Variants in SYT16 observed in about 807,000 individuals in gnomAD.
SYT16 encodes the protein synaptotagmin 16.
SYT16 carries 42 observed loss-of-function variants against 61.4 expected under a neutral mutation model. The observed-to-expected ratio is 0.68, with a 90% CI of 0.53 to 0.89. The LOEUF is 0.89. Among genes scored for constraint, SYT16 ranks in the 40% least tolerant of loss-of-function variants. The pLI, the probability that SYT16 is intolerant of heterozygous loss-of-function variation, is 0.00. For synonymous variants in SYT16, 314 were observed against 302.3 expected (o/e 1.04, Z -0.40); for missense variants, 804 against 807.3 (o/e 1.00, Z 0.05).
chr14:61,814,220 G>T (rs970543794), intron 1 of SYT16, among the ~76,000 whole-genome samples: 3 of 152,074 alleles, frequency 2.0e-5, no homozygotes, highest in African/African-American at 7.2e-5. Context: ...GCTAATTTGG[G>T]CCAAATTTCC....
At chr14:62,092,168 A>G (rs970171668) in intron 7 of SYT16, among the ~76,000 whole-genome samples, 1 of 140,240 alleles carries the variant, frequency 7.1e-6, no homozygotes, top group African/African-American at 2.7e-5. Flanking sequence ...TAGGATGGCT[A>G]CTATAACACA....
chr14:62,043,099 CT>C (rs58063130), intron 3 of SYT16, among the ~76,000 whole-genome samples: 41,041 of 136,946 alleles, frequency 0.3, 5,770 homozygotes, highest in Middle Eastern at 0.35. Flanking sequence ...TGTGGTTTCT[CT>C]TTTTTTTTTT....
At chr14:61,833,332 G>A (rs182446192) in intron 1 of SYT16, among the ~76,000 whole-genome samples, 1 of 130,856 alleles carries the variant, frequency 7.6e-6, no homozygotes, top group East Asian at 2.3e-4. Flanking sequence ...TGTTCTTGTT[G>A]CCCAGACTGG....
At chr14:62,090,209 T>TA (rs2057024389) in intron 7 of SYT16, among the ~76,000 whole-genome samples, 1 of 152,248 alleles carries the variant, frequency 6.6e-6, no homozygotes, top group Admixed American at 6.5e-5. Flanking sequence ...TATGTACAGA[T>TA]ATAATGGTCA....
intron 1 of SYT16, among the ~76,000 whole-genome samples, chr14:61,938,059 A>ACACAC (rs1555359670): frequency 6.6e-6 from 1 of 151,798 alleles, no homozygotes; most frequent in Non-Finnish European, 1.5e-5. Context: ...ACACACACAC[A>ACACAC]GAGTGTTTCA....
chr14:62,005,756 C>T (rs545146806), intron 3 of SYT16, among the ~76,000 whole-genome samples: 7 of 152,274 alleles, frequency 4.6e-5, no homozygotes, highest in South Asian at 2.1e-4. Flanking sequence ...ACACCTACCA[C>T]GTACAAAACA....
chr14:61,992,492 C>A (rs956233873), intron 2 of SYT16, among the ~76,000 whole-genome samples: 14 of 152,110 alleles, frequency 9.2e-5, no homozygotes, highest in Non-Finnish European at 1.9e-4. Context: ...GATAAATAGC[C>A]ACCGATCTGA....
At chr14:62,032,911 T>A (rs2054363282) in intron 3 of SYT16, among the ~76,000 whole-genome samples, 1 of 151,972 alleles carries the variant, frequency 6.6e-6, no homozygotes, top group Non-Finnish European at 1.5e-5. Context: ...TATAAACCCA[T>A]CTGAATTGGT....
At chr14:62,036,503 G>C (rs570017433) in intron 3 of SYT16, among the ~76,000 whole-genome samples, 6 of 152,266 alleles carry the variant, frequency 3.9e-5, no homozygotes, top group Admixed American at 2.6e-4. Flanking sequence ...TATGGACTCA[G>C]TGTGCTAGTC....
intron 4 of SYT16, among the ~76,000 whole-genome samples, chr14:62,074,146 G>C (rs1190940566): frequency 6.6e-6 from 1 of 152,200 alleles, no homozygotes; most frequent in African/African-American, 2.4e-5. Flanking sequence ...AGTGGGGGCA[G>C]CTATTTCTTA....
chr14:61,974,621 C>T (rs1415554754), intron 2 of SYT16, among the ~76,000 whole-genome samples: 1 of 152,134 alleles, frequency 6.6e-6, no homozygotes, highest in African/African-American at 2.4e-5. Context: ...CCAGATGCTC[C>T]CTGCTGTAAG....
intron 1 of SYT16, among the ~76,000 whole-genome samples, chr14:61,884,365 C>G (rs1192192507): frequency 1.3e-5 from 2 of 152,140 alleles, no homozygotes; most frequent in Non-Finnish European, 2.9e-5. Flanking sequence ...TAGAAGTGAT[C>G]AAAAGTAAGT....
chr14:61,816,994 G>C (rs2045455677), intron 1 of SYT16, among the ~76,000 whole-genome samples: 1 of 124,234 alleles, frequency 8.0e-6, no homozygotes, highest in Non-Finnish European at 1.6e-5. Flanking sequence ...CTGGGCGACA[G>C]AGTGAGGCTC....
At chr14:61,883,986 G>T (rs1042786871) in intron 1 of SYT16, among the ~76,000 whole-genome samples, 1 of 145,712 alleles carries the variant, frequency 6.9e-6, no homozygotes, top group African/African-American at 2.6e-5. Flanking sequence ...CCCATGATCC[G>T]ATTACCTCCA....
rs1010673621 is a variant in SYT16, at chr14:62,102,602, A to G, written c.*1895A>G. 2.0e-5 allele frequency: 3 copies of G among 152,186 alleles called. No individual in the cohort carries two copies. Among genetic ancestry groups the G allele is most frequent in the Admixed American group, 6.5e-5 (1 of 15,270 alleles). 9.4% of individuals were successfully genotyped at this position (152,186 alleles called of 1,614,324 possible). A position where few individuals can be genotyped will look rare whatever the true frequency, so the allele number is the denominator to read the frequency against. ...AGTGCGATTGATTAAGTAGCAGCAC[A>G]AAGAAGTGGCTTTTCACATCTCTTA... On this transcript the variant is annotated 3_prime_UTR_variant, in exon 8 of 8. Transcript: ENST00000683842.
At position 62,023,995 on chromosome 14, in the gene SYT16, A is replaced by G. The variant is rs189106792; in HGVS notation, c.523+27453A>G. 1.3e-4 allele frequency among the ~76,000 whole-genome samples: 20 copies of G among 152,294 alleles called. 1 individual carries two copies. Among genetic ancestry groups the G allele is most frequent in the Admixed American group, 1.2e-3 (19 of 15,294 alleles). ...TTTATCTAATATAAAAAGTAGAGGA[A>G]GAAATGGTGTCTTTAAAATATGCCT... On this transcript the variant is annotated intron_variant, in intron 3 of 7. Transcript: ENST00000683842.
At chr14:62,033,529 C>A (rs2054386453) in intron 3 of SYT16, among the ~76,000 whole-genome samples, 2 of 152,040 alleles carry the variant, frequency 1.3e-5, no homozygotes, top group Admixed American at 1.3e-4. Flanking sequence ...AGTTGTTTTA[C>A]AAGTTCATGA....
chr14:62,018,631 C>A (rs2053796919), intron 3 of SYT16, among the ~76,000 whole-genome samples: 1 of 152,050 alleles, frequency 6.6e-6, no homozygotes, highest in Non-Finnish European at 1.5e-5. Flanking sequence ...TTCTAAAATG[C>A]TAGTTATGCT....
At position 61,826,976 on chromosome 14, in the gene SYT16, C is replaced by A. The variant is rs145319525; in HGVS notation, c.-325+14166C>A. On this transcript the variant is annotated intron_variant, in intron 1 of 7. Transcript: ENST00000683842. ...CGTGTTTTTTCCACTCTGCGGAAGC[C>A]CACCAGTTCCATTAAATTAGAGTCC... 2.1e-3 allele frequency among the ~76,000 whole-genome samples: 316 copies of A among 152,008 alleles called. 6 individuals are homozygous for A. The highest frequency in any genetic ancestry group is 7.4e-3 in the African/African-American group (305 of 41,316).
Sources: gnomAD v4.1 joint callset for allele counts (sites outside exome capture counted in the v4.1 genomes callset) on GRCh38, gnomAD v4.1.1 for gene constraint, MANE v1.5 for transcripts, NCBI Gene and HGNC (gene_info 2026-07-23, HGNC 2026-07-21) for gene names.